BRI3: variants seen among roughly 807,000 people sequenced by gnomAD.
BRI3 encodes brain protein I3.
In BRI3, 6 loss-of-function variants were observed where a neutral mutation model predicts 12.8. The ratio of observed to expected loss-of-function variants is 0.47; its 90% CI spans 0.26 to 0.93. The LOEUF is 0.93. BRI3 is among the 40% of genes least tolerant of loss of function. The probability of loss-of-function intolerance (pLI) is 0.15; values close to 1 mark genes in which losing one functional copy is unlikely to be tolerated. For synonymous variants in BRI3, 91 were observed against 76.1 expected (o/e 1.20, Z -1.02); for missense variants, 134 against 171.1 (o/e 0.78, Z 1.21).
At chr7:98,311,980 A>T (rs1292802973), downstream of BRI3, 1 of 1,061,312 alleles carries the variant, frequency 9.4e-7, no homozygotes. Context: ...AGGTGCGAAA[A>T]GGTGGTCCTG....
chr7:98,304,445 G>T, upstream of BRI3: 1 of 1,516,602 alleles, frequency 6.6e-7, no homozygotes, highest in Non-Finnish European at 9.0e-7. Flanking sequence ...CATCCTCTGT[G>T]TCCCTGACCA....
upstream of BRI3, among the ~76,000 whole-genome samples, chr7:98,301,818 G>A (rs966167259): frequency 6.6e-6 from 1 of 152,136 alleles, no homozygotes; most frequent in Admixed American, 6.5e-5. Flanking sequence ...CCTGAAGCTC[G>A]CGGGTGTGAG....
chr7:98,313,283 CG>C, downstream of BRI3, among the ~76,000 whole-genome samples: 1 of 152,202 alleles, frequency 6.6e-6, no homozygotes, highest in African/African-American at 2.4e-5. Flanking sequence ...TTCAGATACT[CG>C]AAGAAACTTC....
intron 2 of BRI3, among the ~76,000 whole-genome samples, chr7:98,290,269 C>T (rs1288915671): frequency 4.1e-5 from 6 of 147,566 alleles, no homozygotes; most frequent in African/African-American, 5.0e-5. Flanking sequence ...AATCTCGGCT[C>T]ACTGCAAGCT....
chr7:98,285,953 T>G (rs1361527276), intron 2 of BRI3, among the ~76,000 whole-genome samples: 1 of 151,946 alleles, frequency 6.6e-6, no homozygotes, highest in African/African-American at 2.4e-5. Context: ...TCCAGCGGGG[T>G]GGTGGTCTGG....
intron 2 of BRI3, among the ~76,000 whole-genome samples, chr7:98,288,128 C>T (rs1799773565): frequency 6.6e-6 from 1 of 152,196 alleles, no homozygotes; most frequent in African/African-American, 2.4e-5. Flanking sequence ...ATTTTCTAAC[C>T]AGAATATACA....
exon 2 of BRI3, chr7:98,307,811 G>A (rs150852685): frequency 4.9e-5 from 79 of 1,614,144 alleles, no homozygotes; most frequent in Non-Finnish European, 5.3e-5. Context: ...TGTGCGGGAA[G>A]ATGGTCTTCA....
At chr7:98,308,531 G>GC (rs1388395231) in exon 2 of BRI3, 1 of 345,058 alleles carries the variant, frequency 2.9e-6, no homozygotes, top group Non-Finnish European at 5.8e-6. Flanking sequence ...CCCACAGCTG[G>GC]CAAGTGGCTG....
downstream of BRI3, chr7:98,292,852 CT>C (rs2116764875): frequency 4.8e-6 from 7 of 1,458,208 alleles, no homozygotes; most frequent in Non-Finnish European, 6.3e-6. Flanking sequence ...CGACTCCTAA[CT>C]ACCAAGAAAA....
rs751815687 is a variant in BRI3 at position 98,291,281 on chromosome 7, C to CT, written c.*43dup. The CT allele has an allele frequency of 2.4e-4, 383 of 1,610,762 alleles. 1 individual carries two copies. In the African/African-American group the frequency reaches 4.4e-3, roughly 19 times the overall value. On this transcript the variant is annotated 3_prime_UTR_variant, in exon 3 of 3. Transcript: ENST00000297290. The stretch of plus-strand genomic sequence containing the variant: ...GCCCGGCTTTCCTACACCCAGCTCT[C>CT]TTTTTCTAATGTAAATGTTGTGTAC...
exon 2 of BRI3, chr7:98,308,074 T>C (rs920298993): frequency 8.3e-6 from 6 of 722,138 alleles, no homozygotes; most frequent in Admixed American, 8.0e-5. Flanking sequence ...ACAGGGACTG[T>C]TGAGAAACAG....
In BRI3 at chr7:98,285,679, C is replaced by T. The variant is rs191041380; in HGVS notation, c.245+3226C>T. 2.2e-4 allele frequency among the ~76,000 whole-genome samples: 34 copies of T among 152,300 alleles called. No homozygotes were observed. In the East Asian group the frequency reaches 4.1e-3, roughly 18 times the overall value. On this transcript the variant is annotated intron_variant, in intron 2 of 2. Transcript: ENST00000297290. ...GGGTGGGTGTGGTGGCAGGCAGAGT[C>T]TCCGGGCACCTTCTCAGGCCTTTCT...
intron 2 of BRI3, among the ~76,000 whole-genome samples, chr7:98,286,637 G>A (rs1799719533): frequency 6.6e-6 from 1 of 152,184 alleles, no homozygotes; most frequent in African/African-American, 2.4e-5. Context: ...CCAGTGCTGG[G>A]GACAGGACTG....
chr7:98,320,200 T>G, the BRI3 span: 1 of 1,588,550 alleles, frequency 6.3e-7, no homozygotes, highest in African/African-American at 1.3e-5. Flanking sequence ...AAACCTGAAA[T>G]GAGTGTATTT....
At chr7:98,305,047 G>GTTTTTTTTTT (rs59633894), upstream of BRI3, among the ~76,000 whole-genome samples, 30 of 100,366 alleles carry the variant, frequency 3.0e-4, 1 homozygote, top group South Asian at 4.2e-4. Flanking sequence ...TTTGTTTTTT[G>GTTTTTTTTTT]TTTTTTTTTT....
upstream of BRI3, among the ~76,000 whole-genome samples, chr7:98,303,860 A>G (rs182186091): frequency 1.3e-5 from 2 of 152,380 alleles, no homozygotes; most frequent in African/African-American, 4.8e-5. Flanking sequence ...AGAAAATGAA[A>G]GAAAATGGTG....
the BRI3 span, among the ~76,000 whole-genome samples, chr7:98,318,966 T>C: frequency 1.4e-5 from 2 of 139,610 alleles, no homozygotes; most frequent in African/African-American, 2.6e-5. Context: ...AAAAAAAGAA[T>C]GGTGTCTATG....
downstream of BRI3, chr7:98,292,522 A>G (rs6465664): frequency 0.44 from 436,552 of 989,090 alleles, 102,631 homozygotes; most frequent in Middle Eastern, 0.53. Context: ...TTGGCAGCCA[A>G]AGATGATTTC....
chr7:98,307,984 G>T (rs769688072), exon 2 of BRI3: 1 of 1,268,536 alleles, frequency 7.9e-7, no homozygotes, highest in Non-Finnish European at 1.2e-6. Context: ...GAATCCACCT[G>T]TTCTCATCTT....
Sources: allele counts gnomAD v4.1 joint callset (sites outside exome capture counted in the v4.1 genomes callset), GRCh38; gene constraint gnomAD v4.1.1; transcripts MANE v1.5; gene names NCBI Gene and HGNC (gene_info 2026-07-23, HGNC 2026-07-21).